Variants in GSE1 observed in about 807,000 individuals in gnomAD.
GSE1 encodes the protein genetic suppressor element 1.
In GSE1, 32 loss-of-function variants were observed where a neutral mutation model predicts 112.6. That is an observed-to-expected ratio of 0.28 (90% confidence interval 0.21 to 0.38). The LOEUF (loss-of-function observed/expected upper bound fraction) is 0.38. Ranked by LOEUF, GSE1 falls within the 10% of genes least tolerant of loss-of-function variation. GSE1 has a pLI of 1.00. For synonymous variants in GSE1, 1,115 were observed against 735.6 expected (o/e 1.52, Z -8.35); for missense variants, 2,348 against 1,699.2 (o/e 1.38, Z -6.71).
At chr16:85,334,358 G>A (rs1420878439) in intron 1 of GSE1, among the ~76,000 whole-genome samples, 2 of 152,190 alleles carry the variant, frequency 1.3e-5, no homozygotes, top group Non-Finnish European at 2.9e-5. Context: ...AACTGAGTTT[G>A]GACAGGGCCT....
Position 85,657,497 on chromosome 16 carries a change from G to T in GSE1, c.1533G>T (p.Arg511=). The T allele has an allele frequency of 6.2e-7, 1 of 1,606,216 alleles. No individual in the cohort carries two copies. Among genetic ancestry groups the T allele is most frequent in the Non-Finnish European group, 8.5e-7 (1 of 1,176,984 alleles). Residue 511 remains arginine, a synonymous_variant, in exon 8 of 16, where the codon CGG becomes CGT. Transcript: ENST00000253458. ...GGCTGCGGCAGGAGAAGGAGGACCG[G>T]CAGTCTCAGGTGTCCGAGTTCCGGC... ...QRRLRQEKED[R]QSQVSEFRQQ... is the part of the protein sequence containing the mutation.
chr16:85,303,475 C>G (rs1274659368), intron 1 of GSE1, among the ~76,000 whole-genome samples: 2 of 151,592 alleles, frequency 1.3e-5, no homozygotes, highest in East Asian at 3.9e-4. Context: ...GCGCCGCACC[C>G]CCGCCGCTGT....
At chr16:85,513,045 G>A (rs1359913008) in intron 2 of GSE1, among the ~76,000 whole-genome samples, 2 of 152,072 alleles carry the variant, frequency 1.3e-5, no homozygotes, top group Non-Finnish European at 2.9e-5. Flanking sequence ...TGCTTTCTCG[G>A]GACCCACAGC....
rs550682844 is a variant in GSE1 at position 85,629,657 on chromosome 16, G to A, written c.8-4257G>A. On this transcript the variant is annotated intron_variant, in intron 1 of 15. Transcript: ENST00000253458. Reference sequence around the variant, plus strand: ...CCCAGTCCCAGCTTTCTCATAGGGCGGCCAAGATGTAGAGTGGCTGGCTCT... The same window carrying A: ...CCCAGTCCCAGCTTTCTCATAGGGCAGCCAAGATGTAGAGTGGCTGGCTCT... 4.6e-5 allele frequency among the ~76,000 whole-genome samples: 7 copies of A among 152,308 alleles called. No individual in the cohort carries two copies. The South Asian group carries it at 6.2e-4, about 14-fold the overall frequency.
chr16:85,493,278 C>T (rs746005009), intron 2 of GSE1, among the ~76,000 whole-genome samples: 7 of 152,012 alleles, frequency 4.6e-5, no homozygotes, highest in Non-Finnish European at 8.8e-5. Flanking sequence ...AGTGAGACCC[C>T]ATTTCTATAA....
intron 2 of GSE1, among the ~76,000 whole-genome samples, chr16:85,408,561 T>G (rs532334456): frequency 4.3e-5 from 1 of 23,030 alleles, no homozygotes; most frequent in Admixed American, 3.7e-4. Flanking sequence ...GCCCCCCGGA[T>G]AATCCTCACT....
Position 85,311,021 on chromosome 16 carries a change from C to T in GSE1, c.2284-46442C>T, listed in dbSNP as rs992201758. Among the ~76,000 whole-genome samples, 15 of 152,216 alleles carry T rather than the reference C, an allele frequency of 9.9e-5. No individual in the cohort carries two copies. Among genetic ancestry groups the T allele is most frequent in the South Asian group, 6.2e-4 (3 of 4,832 alleles). ...GTTTGAGGCTAAATATAAACCCAGC[C>T]GCCTTTCCGCGGCCGTCAGCAATGG... On this transcript the variant is annotated intron_variant, in intron 1 of 2. Coordinates refer to the GSE1 transcript ENST00000637419. This position sits in a 1 kb window ranked among gnomAD's most constrained non-coding sequence, Gnocchi z 4.2.
rs567770318 is a variant in GSE1 at position 85,663,795 on chromosome 16, C to G, written c.2644+181C>G. ...GTTCTTACAAGCCCTCCATAGCAGCCTTACCTGACAGGCTTTGCTCTGAGA... is the reference window on the plus strand; with the variant it reads ...GTTCTTACAAGCCCTCCATAGCAGCGTTACCTGACAGGCTTTGCTCTGAGA... On this transcript the variant is annotated intron_variant, in intron 11 of 15. Transcript: ENST00000253458. 6.6e-5 allele frequency among the ~76,000 whole-genome samples: 10 copies of G among 152,384 alleles called. No individual in the cohort carries two copies. The South Asian group carries it at 2.1e-3, about 32-fold the overall frequency.
chr16:85,393,678 C>A (rs1597586723), intron 2 of GSE1, among the ~76,000 whole-genome samples: 1 of 152,216 alleles, frequency 6.6e-6, no homozygotes, highest in East Asian at 1.9e-4. Context: ...ATTTACAGGA[C>A]CCCAAGGCAG....
intron 1 of GSE1, among the ~76,000 whole-genome samples, chr16:85,626,361 G>A (rs2049068603): frequency 6.6e-6 from 1 of 152,230 alleles, no homozygotes. Flanking sequence ...AGCCGCCAGG[G>A]TCTGTAGCAG....
At chr16:85,371,669 C>G (rs984428865) in intron 2 of GSE1, among the ~76,000 whole-genome samples, 1 of 152,202 alleles carries the variant, frequency 6.6e-6, no homozygotes, top group Non-Finnish European at 1.5e-5. Flanking sequence ...CCTTACGGGA[C>G]ACAGGCTGGC....
chr16:85,419,756 C>T lies in GSE1; in HGVS notation c.2464+62113C>T, dbSNP rs2048787632. On this transcript the variant is annotated intron_variant, in intron 2 of 2. Coordinates refer to the GSE1 transcript ENST00000637419. This position sits in a 1 kb window ranked among gnomAD's most constrained non-coding sequence, Gnocchi z 6.5. ...AAAAACCCCTCTGATGCCTGCCTCCCCCGCCCCGCCCCCACCCCTCCAAGA... is the reference window on the plus strand; with the variant it reads ...AAAAACCCCTCTGATGCCTGCCTCCTCCGCCCCGCCCCCACCCCTCCAAGA... Among the ~76,000 whole-genome samples the T allele has an allele frequency of 1.3e-5, 2 of 152,072 alleles. No individual in the cohort carries two copies. Among genetic ancestry groups the T allele is most frequent in the African/African-American group, 4.8e-5 (2 of 41,406 alleles).
intron 1 of GSE1, among the ~76,000 whole-genome samples, chr16:85,584,770 G>C (rs892864765): frequency 1.3e-5 from 2 of 152,216 alleles, no homozygotes; most frequent in Admixed American, 6.5e-5. Context: ...TCGTGCATTG[G>C]CTTCCCTCTG....
intron 2 of GSE1, among the ~76,000 whole-genome samples, chr16:85,449,799 T>C (rs1018004112): frequency 1.3e-5 from 2 of 152,192 alleles, no homozygotes; most frequent in African/African-American, 4.8e-5. Flanking sequence ...TCCTGCAAAA[T>C]AGAAGGGTTG....
intron 1 of GSE1, among the ~76,000 whole-genome samples, chr16:85,339,746 G>A (rs979253961): frequency 2.0e-5 from 3 of 152,142 alleles, no homozygotes; most frequent in Admixed American, 2.0e-4. Context: ...TTAGACTCTG[G>A]AATTGTGTCT....
At chr16:85,605,039 G>C (rs914561260) in intron 1 of GSE1, among the ~76,000 whole-genome samples, 24 of 149,550 alleles carry the variant, frequency 1.6e-4, no homozygotes, top group East Asian at 4.0e-4. Context: ...GGATGGTCTC[G>C]ATCTCCTGAC....
chr16:85,381,426 A>G (rs556271624), intron 2 of GSE1, among the ~76,000 whole-genome samples: 3 of 152,238 alleles, frequency 2.0e-5, no homozygotes, highest in African/African-American at 4.8e-5. Context: ...TGAGTGTGCA[A>G]ATTGGTCCTT....
At chr16:85,564,071 AGAG>A (rs1288204721) in intron 1 of GSE1, among the ~76,000 whole-genome samples, 3 of 152,220 alleles carry the variant, frequency 2.0e-5, no homozygotes, top group Non-Finnish European at 4.4e-5. Context: ...CAGGAGCAGC[AGAG>A]GAGATCTATG....
At chr16:85,235,578 G>A (rs1301982314) in intron 1 of GSE1, among the ~76,000 whole-genome samples, 3 of 20,456 alleles carry the variant, frequency 1.5e-4, no homozygotes, top group East Asian at 3.7e-3. Context: ...TGTGTGGGTG[G>A]GGGGGGGGCG....
Sources: gnomAD v4.1 joint callset for allele counts (sites outside exome capture counted in the v4.1 genomes callset) on GRCh38, gnomAD v4.1.1 for gene constraint, Gnocchi (gnomAD v3.1) non-coding constraint, MANE v1.5 for transcripts, NCBI Gene and HGNC (gene_info 2026-07-23, HGNC 2026-07-21) for gene names.